AGBL4: variants seen among roughly 807,000 people sequenced by gnomAD.
The protein encoded by AGBL4 is cytosolic carboxypeptidase 6.
A neutral mutation model predicts 66.4 loss-of-function variants in AGBL4; 58 were observed. The observed-to-expected ratio is 0.87, with a 90% confidence interval of 0.71 to 1.09. The LOEUF (loss-of-function observed/expected upper bound fraction) is 1.09. Among genes scored for constraint, AGBL4 ranks in the 50% least tolerant of loss-of-function variants. The pLI is 0.00. For synonymous variants in AGBL4, 234 were observed against 222.9 expected, an observed-to-expected ratio of 1.05 and a Z score of -0.44; for missense variants, 579 against 631.0, an observed-to-expected ratio of 0.92 and a Z score of 0.88.
chr1:49,514,728 T>C (rs534034606), intron 3 of AGBL4, among the ~76,000 whole-genome samples: 3 of 152,052 alleles, frequency 2.0e-5, no homozygotes, highest in African/African-American at 7.2e-5. Context: ...TCAGAAATAA[T>C]GCTGCATATC....
At chr1:49,280,018 T>G (rs965778894) in intron 3 of AGBL4, among the ~76,000 whole-genome samples, 7 of 152,180 alleles carry the variant, frequency 4.6e-5, no homozygotes, top group African/African-American at 1.7e-4. Context: ...CTCCTGCAGA[T>G]AACATTACTA....
chr1:48,993,385 T>C (rs188917396), intron 5 of AGBL4, among the ~76,000 whole-genome samples: 293 of 152,252 alleles, frequency 1.9e-3, no homozygotes, highest in Non-Finnish European at 3.3e-3. Context: ...TCTGAACTCT[T>C]CTCTCTTCTC....
At chr1:49,642,235 G>T (rs920051368) in intron 3 of AGBL4, among the ~76,000 whole-genome samples, 1 of 151,942 alleles carries the variant, frequency 6.6e-6, no homozygotes, top group Non-Finnish European at 1.5e-5. Context: ...TTACCTTCCT[G>T]CATGAAACAA....
In AGBL4 at chr1:49,752,051, G is replaced by C. The variant is rs201563047; in HGVS notation, c.158-54614C>G. On this transcript the variant is annotated intron_variant, in intron 2 of 13. Coordinates refer to ENST00000371839, the MANE Select transcript of AGBL4 (RefSeq NM_032785.4). The stretch of plus-strand genomic sequence containing the variant: ...CTCCTGGATTCACTGATTTTTTGAA[G>C]GGTTTTTCGTGTCTCTATCCCCTTC... 4.6e-5 allele frequency among the ~76,000 whole-genome samples: 7 copies of C among 151,538 alleles called. No individual in the cohort carries two copies. The East Asian group carries it at 1.4e-3, about 29-fold the overall frequency.
intron 5 of AGBL4, among the ~76,000 whole-genome samples, chr1:48,914,590 T>C (rs937250147): frequency 1.3e-5 from 2 of 152,248 alleles, no homozygotes; most frequent in African/African-American, 4.8e-5. Context: ...TTCTCCTTCA[T>C]AACACAGGCA....
chr1:49,993,832 C>G (rs573935420), intron 1 of AGBL4, among the ~76,000 whole-genome samples: 1 of 152,212 alleles, frequency 6.6e-6, no homozygotes, highest in Non-Finnish European at 1.5e-5. Flanking sequence ...TAAATGGAAG[C>G]AAGAAATAAA....
At chr1:49,302,028 G>GT (rs1276934418) in intron 3 of AGBL4, among the ~76,000 whole-genome samples, 3 of 152,116 alleles carry the variant, frequency 2.0e-5, no homozygotes, top group East Asian at 1.9e-4. Flanking sequence ...TTAGTGATTG[G>GT]TTTTTTCTGT....
rs1256408120 is a variant in AGBL4 at position 49,227,175 on chromosome 1, G to C, written c.377+18595C>G. Among the ~76,000 whole-genome samples the C allele has an allele frequency of 2.6e-5, 4 of 152,206 alleles. No individual in the cohort carries two copies. In the East Asian group the frequency reaches 7.7e-4, roughly 29 times the overall value. On this transcript the variant is annotated intron_variant, in intron 4 of 13. Transcript: ENST00000371839. ...AATTTTGTAATTATATATTTCTTTT[G>C]TATTTATTTAAATAATATTTGTTCC...
intron 3 of AGBL4, among the ~76,000 whole-genome samples, chr1:49,515,911 A>G: frequency 7.7e-6 from 1 of 130,266 alleles, no homozygotes; most frequent in Admixed American, 8.0e-5. Flanking sequence ...GGGGGGAGGG[A>G]TAGCATTAGG....
At chr1:49,943,700 G>C (rs1383765240) in intron 1 of AGBL4, among the ~76,000 whole-genome samples, 1 of 150,194 alleles carries the variant, frequency 6.7e-6, no homozygotes, top group Non-Finnish European at 1.5e-5. Context: ...GCTGCCAGAG[G>C]TACTGGGAAA....
chr1:49,769,374 A>G (rs1257753343), intron 2 of AGBL4, among the ~76,000 whole-genome samples: 2 of 152,184 alleles, frequency 1.3e-5, no homozygotes, highest in Non-Finnish European at 2.9e-5. Context: ...CAAAATCTCT[A>G]AAATGGCCAT....
intron 2 of AGBL4, among the ~76,000 whole-genome samples, chr1:49,849,906 T>G (rs1646263181): frequency 6.6e-6 from 1 of 152,198 alleles, no homozygotes; most frequent in African/African-American, 2.4e-5. Context: ...GTGTAATTAT[T>G]GTAAAGGGTC....
intron 1 of AGBL4, among the ~76,000 whole-genome samples, chr1:49,884,627 G>C (rs1040630996): frequency 6.6e-6 from 1 of 151,560 alleles, no homozygotes; most frequent in African/African-American, 2.4e-5. Flanking sequence ...CCCAAACATA[G>C]AGACAGAATA....
intron 4 of AGBL4, among the ~76,000 whole-genome samples, chr1:49,075,081 A>G (rs1220218123): frequency 2.6e-5 from 4 of 152,238 alleles, no homozygotes; most frequent in Non-Finnish European, 5.9e-5. Context: ...CATTTCACTC[A>G]TGATGGCCAA....
intron 2 of AGBL4, among the ~76,000 whole-genome samples, chr1:49,843,904 A>G (rs1156712124): frequency 6.6e-6 from 1 of 152,188 alleles, no homozygotes; most frequent in Non-Finnish European, 1.5e-5. Flanking sequence ...GCTGGGTAGC[A>G]GGGCAAAAAG....
At chr1:49,758,936 C>G (rs1478060210) in intron 2 of AGBL4, among the ~76,000 whole-genome samples, 1 of 152,122 alleles carries the variant, frequency 6.6e-6, no homozygotes, top group East Asian at 1.9e-4. Context: ...GAATTGTAAT[C>G]TGAACTGTAA....
intron 2 of AGBL4, among the ~76,000 whole-genome samples, chr1:49,771,664 T>C (rs1202514564): frequency 6.6e-6 from 1 of 152,134 alleles, no homozygotes; most frequent in Admixed American, 6.5e-5. Flanking sequence ...GCTTTATGCA[T>C]TTTTGTACTC....
At chr1:49,105,525 C>A (rs1200190786) in intron 4 of AGBL4, among the ~76,000 whole-genome samples, 2 of 152,094 alleles carry the variant, frequency 1.3e-5, no homozygotes, top group East Asian at 3.9e-4. Context: ...ATCCTGGTCC[C>A]AATACCATCC....
At chr1:49,812,246 A>C (rs1431123299) in intron 2 of AGBL4, among the ~76,000 whole-genome samples, 1 of 152,198 alleles carries the variant, frequency 6.6e-6, no homozygotes, top group Non-Finnish European at 1.5e-5. Context: ...TAAAATTAAA[A>C]CAGTCATAGC....
Sources: gnomAD v4.1 joint callset for allele counts (sites outside exome capture counted in the v4.1 genomes callset) on GRCh38, gnomAD v4.1.1 for gene constraint, MANE v1.5 for transcripts, NCBI Gene and HGNC (gene_info 2026-07-23, HGNC 2026-07-21) for gene names.